The following AGTPBP1 variants were observed in gnomAD, a reference collection of about 807,000 sequenced individuals.
AGTPBP1 encodes ATP/GTP binding carboxypeptidase 1.
A neutral mutation model predicts 143.9 loss-of-function variants in AGTPBP1; 70 were observed. The ratio of observed to expected loss-of-function variants is 0.49; its 90% CI spans 0.40 to 0.59. The LOEUF (loss-of-function observed/expected upper bound fraction) is 0.59. AGTPBP1 is among the 20% of genes least tolerant of loss of function. The pLI, the probability that AGTPBP1 is intolerant of heterozygous loss-of-function variation, is 0.00. For synonymous variants in AGTPBP1, 463 were observed against 500.2 expected (o/e 0.93, Z 0.99); for missense variants, 1,229 against 1,464.5 (o/e 0.84, Z 2.62).
intron 24 of AGTPBP1, among the ~76,000 whole-genome samples, chr9:85,578,431 T>C (rs1184906710): frequency 6.6e-6 from 1 of 152,190 alleles, no homozygotes; most frequent in African/African-American, 2.4e-5. Flanking sequence ...GGCAATATGG[T>C]GAGACCCTGT....
At chr9:85,634,453 A>G (rs1831902130) in intron 13 of AGTPBP1, among the ~76,000 whole-genome samples, 1 of 152,172 alleles carries the variant, frequency 6.6e-6, no homozygotes, top group African/African-American at 2.4e-5. Context: ...TAGCTGGGAA[A>G]GAATGGACAA....
At chr9:85,632,585 C>T in intron 14 of AGTPBP1, 77 bp downstream of exon 14, 1 of 1,271,300 alleles carries the variant, frequency 7.9e-7, no homozygotes, top group Non-Finnish European at 1.1e-6. Context: ...TCCTAAATGC[C>T]CAAAGTAATT....
intron 1 of AGTPBP1, among the ~76,000 whole-genome samples, chr9:85,736,629 G>A (rs1823800292): frequency 6.6e-6 from 1 of 152,134 alleles, no homozygotes; most frequent in African/African-American, 2.4e-5. Context: ...TCAAACGTTT[G>A]TGAGAAAGCC....
intron 1 of AGTPBP1, among the ~76,000 whole-genome samples, chr9:85,717,177 C>A (rs1837759831): frequency 1.3e-5 from 2 of 152,132 alleles, no homozygotes; most frequent in Admixed American, 1.3e-4. Context: ...TCTTCCAAAG[C>A]ACTTACTGCC....
intron 1 of AGTPBP1, among the ~76,000 whole-genome samples, chr9:85,716,054 A>G (rs1837685950): frequency 6.6e-6 from 1 of 152,152 alleles, no homozygotes. Flanking sequence ...GTTTATGCAC[A>G]CTGTCAACAA....
chr9:85,731,359 A>G (rs1226304473), intron 1 of AGTPBP1, among the ~76,000 whole-genome samples: 1 of 152,194 alleles, frequency 6.6e-6, no homozygotes, highest in East Asian at 1.9e-4. Flanking sequence ...TGGAACCCTC[A>G]CACATTGCTG....
chr9:85,548,012 TAC>T (rs932962990), intron 25 of AGTPBP1, among the ~76,000 whole-genome samples: 3 of 152,208 alleles, frequency 2.0e-5, no homozygotes, highest in Non-Finnish European at 4.4e-5. Flanking sequence ...TTGTGAGATT[TAC>T]ACCCCCCCAC....
At chr9:85,790,083 C>T in the AGTPBP1 span, among the ~76,000 whole-genome samples, 1 of 152,134 alleles carries the variant, frequency 6.6e-6, no homozygotes, top group Non-Finnish European at 1.5e-5. Flanking sequence ...ATATTTTAAA[C>T]ATTTAAAGTT....
intron 17 of AGTPBP1, among the ~76,000 whole-genome samples, chr9:85,613,986 T>TA (rs138149677): frequency 0.016 from 2,507 of 152,152 alleles, 27 homozygotes; most frequent in Middle Eastern, 0.054. Flanking sequence ...GGTTATAGAC[T>TA]ATATGGTCAC....
chr9:85,760,977 GACAA>G, the AGTPBP1 span, among the ~76,000 whole-genome samples: 5 of 152,206 alleles, frequency 3.3e-5, no homozygotes, highest in East Asian at 1.9e-4. Flanking sequence ...ACCAATAACA[GACAA>G]ACAGAGAGCC....
At chr9:85,608,385 C>T (rs1159504609) in intron 17 of AGTPBP1, among the ~76,000 whole-genome samples, 1 of 152,022 alleles carries the variant, frequency 6.6e-6, no homozygotes, top group African/African-American at 2.4e-5. Context: ...AAACACCACT[C>T]TCAGAATAAG....
chr9:85,581,013 G>C (rs1208084827), intron 23 of AGTPBP1, among the ~76,000 whole-genome samples: 2 of 152,186 alleles, frequency 1.3e-5, no homozygotes, highest in Non-Finnish European at 2.9e-5. Context: ...CTAGTATTAA[G>C]AGAATGACTA....
intron 25 of AGTPBP1, among the ~76,000 whole-genome samples, chr9:85,551,313 T>C (rs1326594253): frequency 6.6e-6 from 1 of 152,198 alleles, no homozygotes; most frequent in Non-Finnish European, 1.5e-5. Flanking sequence ...AAATACTCTT[T>C]AGTTTTTCAA....
chr9:85,585,656 A>G, intron 22 of AGTPBP1, 62 bp from the exon 23 acceptor site: 1 of 1,351,150 alleles, frequency 7.4e-7, no homozygotes, highest in Non-Finnish European at 9.8e-7. Context: ...AAGTAAAGGT[A>G]GTTAATATCA....
chr9:85,679,415 T>C (rs555519473), intron 4 of AGTPBP1, among the ~76,000 whole-genome samples: 2 of 152,270 alleles, frequency 1.3e-5, no homozygotes, highest in African/African-American at 4.8e-5. Context: ...TTCTTTTTTT[T>C]CTTTTTTTTT....
intron 1 of AGTPBP1, among the ~76,000 whole-genome samples, chr9:85,740,061 T>C (rs1003981653): frequency 6.6e-6 from 1 of 152,210 alleles, no homozygotes; most frequent in African/African-American, 2.4e-5. Flanking sequence ...TGGACCTCTT[T>C]TCCTTCTGCT....
In AGTPBP1 at chr9:85,679,933, C is replaced by T. The variant is rs180933306; in HGVS notation, c.225+1335G>A. Among the ~76,000 whole-genome samples, 678 of 152,132 alleles carry T rather than the reference C, an allele frequency of 4.5e-3. 1 individual carries two copies. Among genetic ancestry groups the T allele is most frequent in the Middle Eastern group, 6.8e-3 (2 of 294 alleles). ...TTCTCTAGTATTATGATTCCATTTT[C>T]CATGCTTAAATCTTTGCTTCATATG... is the stretch of plus-strand genomic sequence containing the variant. On this transcript the variant is annotated intron_variant, in intron 4 of 25. Coordinates refer to ENST00000357081, the MANE Select transcript of AGTPBP1 (RefSeq NM_001330701.2).
At chr9:85,661,563 A>C (rs1481561896) in intron 8 of AGTPBP1, among the ~76,000 whole-genome samples, 1 of 152,080 alleles carries the variant, frequency 6.6e-6, no homozygotes. Flanking sequence ...AAGAAGCCTA[A>C]CTAATATCTC....
chr9:85,609,125 A>T, intron 17 of AGTPBP1, among the ~76,000 whole-genome samples: 1 of 152,150 alleles, frequency 6.6e-6, no homozygotes, highest in East Asian at 1.9e-4. Flanking sequence ...TTGTGTGATT[A>T]TATACACACA....
Sources: allele counts gnomAD v4.1 joint callset (sites outside exome capture counted in the v4.1 genomes callset), GRCh38; gene constraint gnomAD v4.1.1; transcripts MANE v1.5; gene names NCBI Gene and HGNC (gene_info 2026-07-23, HGNC 2026-07-21).